Variants in STK39 observed in about 807,000 individuals in gnomAD.
The protein encoded by STK39 is serine/threonine kinase 39, also known as STE20/SPS1-related proline-alanine-rich protein kinase.
A neutral mutation model predicts 77.8 loss-of-function variants in STK39; 20 were observed. The observed-to-expected ratio is 0.26, with a 90% CI of 0.18 to 0.37. STK39 has a LOEUF of 0.37. STK39 is among the 10% of genes least tolerant of loss of function. The pLI, the probability that STK39 is intolerant of heterozygous loss-of-function variation, is 1.00. For missense variants in STK39, 479 were observed against 656.5 expected, an observed-to-expected ratio of 0.73 and a Z score of 2.95; for synonymous variants, 246 against 234.1, an observed-to-expected ratio of 1.05 and a Z score of -0.47.
chr2:168,187,501 T>C (rs892292067), intron 1 of STK39, among the ~76,000 whole-genome samples: 2 of 152,214 alleles, frequency 1.3e-5, no homozygotes, highest in Admixed American at 1.3e-4. Flanking sequence ...ACGGCAATAA[T>C]GCTACTTCAC....
intron 8 of STK39, among the ~76,000 whole-genome samples, chr2:168,130,523 G>C (rs981493001): frequency 5.9e-5 from 9 of 152,146 alleles, no homozygotes; most frequent in African/African-American, 2.2e-4. Flanking sequence ...TGTTAGTGAT[G>C]CTAAATTTAA....
chr2:168,140,571 C>T (rs1687954777), intron 6 of STK39, 78 bp downstream of exon 6: 2 of 1,284,452 alleles, frequency 1.6e-6, no homozygotes, highest in Admixed American at 2.0e-5. Flanking sequence ...ATGCTAGATA[C>T]AAATGAAATG....
At chr2:167,955,715 C>G in intron 17 of STK39, 145 bp from the exon 18 acceptor site, 1 of 733,620 alleles carries the variant, frequency 1.4e-6, no homozygotes, top group Non-Finnish European at 2.3e-6. Flanking sequence ...AGACGCCAGC[C>G]ACTCTCTCGA....
In STK39 at chr2:167,970,027, G is replaced by T. The variant is rs114305028; in HGVS notation, c.1499-5301C>A. Among the ~76,000 whole-genome samples, 1,300 of 152,244 alleles carry T rather than the reference G, an allele frequency of 8.5e-3. 18 individuals carry two copies. Among genetic ancestry groups the T allele is most frequent in the African/African-American group, 0.03 (1,227 of 41,536 alleles). On this transcript the variant is annotated intron_variant, in intron 16 of 17. Transcript: ENST00000355999. ...CCTGGAGCATTCAGGGCAGGGGCTT[G>T]CCCAGAACCTCTGTACCTGCCATTC...
intron 10 of STK39, among the ~76,000 whole-genome samples, chr2:168,075,534 T>C (rs184221249): frequency 6.0e-4 from 92 of 152,224 alleles, no homozygotes; most frequent in Admixed American, 4.3e-3. Context: ...TCATGTTTAC[T>C]TCAGTTAACA....
At chr2:168,065,462 T>A in intron 12 of STK39, 81 bp from the exon 13 acceptor site, 1 of 1,377,136 alleles carries the variant, frequency 7.3e-7, no homozygotes, top group Non-Finnish European at 1.0e-6. Context: ...GTCCCAATTA[T>A]CAGACCCAAT....
intron 14 of STK39, among the ~76,000 whole-genome samples, chr2:168,061,504 T>C (rs11887078): frequency 0.011 from 1,639 of 152,338 alleles, 37 homozygotes; most frequent in African/African-American, 0.038. Context: ...CATGCACAGA[T>C]TGATGAATAG....
chr2:167,977,891 C>T (rs559271330), intron 16 of STK39, among the ~76,000 whole-genome samples: 1 of 152,276 alleles, frequency 6.6e-6, no homozygotes, highest in African/African-American at 2.4e-5. Flanking sequence ...CTACTCAAAT[C>T]AGTCTCCTAC....
chr2:168,192,565 C>T (rs1559140393), intron 1 of STK39, among the ~76,000 whole-genome samples: 1 of 152,110 alleles, frequency 6.6e-6, no homozygotes, highest in Non-Finnish European at 1.5e-5. Flanking sequence ...ATGGTTATGA[C>T]GGAGGGTCTG....
chr2:168,147,070 C>T (rs554167253), intron 5 of STK39, among the ~76,000 whole-genome samples: 2 of 152,278 alleles, frequency 1.3e-5, no homozygotes, highest in African/African-American at 4.8e-5. Context: ...GAAGGAAATG[C>T]AAAATGCAAT....
At chr2:168,035,911 A>G (rs1020805431) in intron 14 of STK39, among the ~76,000 whole-genome samples, 2 of 152,174 alleles carry the variant, frequency 1.3e-5, no homozygotes, top group Admixed American at 6.5e-5. Context: ...AACATAACAC[A>G]TTGTAAGCAC....
chr2:168,061,460 T>C (rs1365016511), intron 14 of STK39, among the ~76,000 whole-genome samples: 1 of 58,520 alleles, frequency 1.7e-5, no homozygotes, highest in Non-Finnish European at 3.4e-5. Context: ...TTCCTTATGA[T>C]TTCCAAAAAA....
intron 14 of STK39, among the ~76,000 whole-genome samples, chr2:168,018,683 C>T (rs1200803619): frequency 6.6e-6 from 1 of 152,064 alleles, no homozygotes; most frequent in Non-Finnish European, 1.5e-5. Flanking sequence ...GAATACCCAT[C>T]CCTGAACATC....
chr2:168,025,920 T>C (rs1258411620), intron 14 of STK39, among the ~76,000 whole-genome samples: 6 of 152,152 alleles, frequency 3.9e-5, no homozygotes, highest in Admixed American at 3.3e-4. Flanking sequence ...CTGAGCCCAA[T>C]TTGGAGTTAA....
intron 16 of STK39, among the ~76,000 whole-genome samples, chr2:168,004,151 CATCTGGAGG>C (rs1431814843): frequency 4.6e-5 from 7 of 152,166 alleles, no homozygotes; most frequent in Non-Finnish European, 1.0e-4. Flanking sequence ...AGCTGAAGGC[CATCTGGAGG>C]ATCCACTGCC....
chr2:168,145,994 G>A (rs1574501560), intron 5 of STK39, among the ~76,000 whole-genome samples: 2 of 152,314 alleles, frequency 1.3e-5, no homozygotes, highest in East Asian at 3.9e-4. Context: ...AAATATTTTA[G>A]ATATACTCCT....
chr2:168,057,327 G>A (rs1164497627), intron 14 of STK39, among the ~76,000 whole-genome samples: 1 of 152,088 alleles, frequency 6.6e-6, no homozygotes, highest in Non-Finnish European at 1.5e-5. Context: ...TGAGTAGCTG[G>A]GATTATAGCC....
At chr2:168,040,192 C>T (rs867974243) in intron 14 of STK39, among the ~76,000 whole-genome samples, 43 of 151,794 alleles carry the variant, frequency 2.8e-4, no homozygotes, top group African/African-American at 9.7e-4. Context: ...GAGAATAAAA[C>T]TGTTGCTCAA....
intron 14 of STK39, among the ~76,000 whole-genome samples, chr2:168,033,326 T>C (rs955803579): frequency 6.6e-6 from 1 of 151,830 alleles, no homozygotes; most frequent in Non-Finnish European, 1.5e-5. Flanking sequence ...ATAGAGGAAA[T>C]ATCGCATTAG....
Sources: gnomAD v4.1 joint callset for allele counts (sites outside exome capture counted in the v4.1 genomes callset) on GRCh38, gnomAD v4.1.1 for gene constraint, MANE v1.5 for transcripts, NCBI Gene and HGNC (gene_info 2026-07-23, HGNC 2026-07-21) for gene names.